Variants in ACYP2 observed in about 807,000 individuals in gnomAD.
The protein encoded by ACYP2 is acylphosphatase-2.
Under a neutral mutation model 11.2 loss-of-function variants are expected in ACYP2, and 12 were observed. The observed-to-expected ratio is 1.08, with a 90% confidence interval of 0.69 to 1.74. The LOEUF (loss-of-function observed/expected upper bound fraction) is 1.74. Among genes scored for constraint, ACYP2 ranks in the 40% most tolerant of loss-of-function variants. The probability of loss-of-function intolerance (pLI) is 0.00; values close to 1 mark genes in which losing one functional copy is unlikely to be tolerated. For synonymous variants in ACYP2, 43 were observed against 32.2 expected, an observed-to-expected ratio of 1.33 and a Z score of -1.13; for missense variants, 134 against 101.9, an observed-to-expected ratio of 1.31 and a Z score of -1.35.
chr2:54,129,219 C>T (rs186471679), intron 4 of ACYP2, among the ~76,000 whole-genome samples: 202 of 152,202 alleles, frequency 1.3e-3, no homozygotes, highest in Non-Finnish European at 2.3e-3. Flanking sequence ...TTTTATCATT[C>T]AGAATTTTAA....
At chr2:54,072,530 C>T in intron 4 of ACYP2, among the ~76,000 whole-genome samples, 3 of 128,426 alleles carry the variant, frequency 2.3e-5, no homozygotes, top group African/African-American at 5.8e-5. Context: ...TTCTTTCTTT[C>T]TTTCCTTCCT....
chr2:53,980,816 A>G (rs1297698727), intron 2 of ACYP2, among the ~76,000 whole-genome samples: 2 of 151,772 alleles, frequency 1.3e-5, no homozygotes, highest in Non-Finnish European at 2.9e-5. Flanking sequence ...CAATGGTGCA[A>G]TCACAGCTCA....
chr2:54,286,573 T>C (rs1689086318), intron 6 of ACYP2, among the ~76,000 whole-genome samples: 1 of 152,064 alleles, frequency 6.6e-6, no homozygotes, highest in African/African-American at 2.4e-5. Flanking sequence ...ACCAGGCAAC[T>C]GAAAATATAA....
intron 6 of ACYP2, among the ~76,000 whole-genome samples, chr2:54,270,767 T>C (rs1251339654): frequency 6.6e-6 from 1 of 152,254 alleles, no homozygotes; most frequent in Non-Finnish European, 1.5e-5. Flanking sequence ...CTTTAGGTTT[T>C]AGGATTTCCT....
intron 6 of ACYP2, among the ~76,000 whole-genome samples, chr2:54,197,922 AT>A (rs1296589935): frequency 7.4e-6 from 1 of 135,970 alleles, no homozygotes; most frequent in Non-Finnish European, 1.6e-5. Flanking sequence ...TTATTATTTT[AT>A]TTTATTTATG....
At chr2:54,101,396 C>T (rs181592590) in intron 4 of ACYP2, among the ~76,000 whole-genome samples, 9 of 152,136 alleles carry the variant, frequency 5.9e-5, no homozygotes, top group African/African-American at 1.4e-4. Context: ...AGGGGCCGGG[C>T]GCGGTGGCTC....
chr2:53,998,876 G>A lies in ACYP2; in HGVS notation c.62+25066G>A, dbSNP rs550056250. Among the ~76,000 whole-genome samples, 4 of 152,248 alleles carry A rather than the reference G, an allele frequency of 2.6e-5. No homozygotes were observed. The East Asian group carries it at 5.8e-4, about 22-fold the overall frequency. ...TAGAGACTGCTGCCCTCCATGCTGA[G>A]ATTCACGAATCCAGGCTGTTTCATT... On this transcript the variant is annotated intron_variant, in intron 2 of 6. Transcript: ENST00000607452.
rs538934890 is a variant in ACYP2 at position 54,126,397 on chromosome 2, A to C, written c.278-9056A>C. Among the ~76,000 whole-genome samples, 6 of 152,330 alleles carry C rather than the reference A, an allele frequency of 3.9e-5. No individual in the cohort carries two copies. In the East Asian group the frequency reaches 1.2e-3, roughly 29 times the overall value. On this transcript the variant is annotated intron_variant, in intron 4 of 6. Coordinates refer to ENST00000607452, the MANE Select transcript of ACYP2 (RefSeq NM_001320586.2). ...GATGGACAACCTAAGTCTTTTGATG[A>C]GATTGATCAAAAATTGTGACGGATC... is the stretch of plus-strand genomic sequence containing the variant.
At chr2:54,150,777 T>G (rs1463291315) in intron 6 of ACYP2, among the ~76,000 whole-genome samples, 1 of 147,326 alleles carries the variant, frequency 6.8e-6, no homozygotes, top group African/African-American at 2.5e-5. Context: ...AGTCTTGCTC[T>G]GTCGCCCAGG....
At chr2:54,017,659 C>T (rs1420018320) in intron 2 of ACYP2, among the ~76,000 whole-genome samples, 1 of 152,074 alleles carries the variant, frequency 6.6e-6, no homozygotes, top group African/African-American at 2.4e-5. Context: ...TATAGATAGA[C>T]GTAGTTCAGG....
At chr2:54,180,233 A>G (rs1437546744) in intron 6 of ACYP2, among the ~76,000 whole-genome samples, 2 of 152,028 alleles carry the variant, frequency 1.3e-5, no homozygotes, top group Non-Finnish European at 2.9e-5. Context: ...AACCCTGTTT[A>G]TTTATTTCTA....
chr2:54,018,528 G>T (rs1673819702), intron 2 of ACYP2, among the ~76,000 whole-genome samples: 1 of 151,938 alleles, frequency 6.6e-6, no homozygotes, highest in African/African-American at 2.4e-5. Flanking sequence ...AAAGGGAGTG[G>T]GGAGCTAGGT....
At chr2:54,128,126 G>T (rs1033770618) in intron 4 of ACYP2, among the ~76,000 whole-genome samples, 2 of 152,204 alleles carry the variant, frequency 1.3e-5, no homozygotes, top group Non-Finnish European at 2.9e-5. Flanking sequence ...CCAACAGGGG[G>T]ATGAATCATA....
intron 6 of ACYP2, among the ~76,000 whole-genome samples, chr2:54,294,237 T>G (rs570182497): frequency 2.4e-4 from 36 of 152,290 alleles, no homozygotes; most frequent in Middle Eastern, 3.4e-3. Flanking sequence ...TAAATGGAAT[T>G]TTTTATATCA....
intron 6 of ACYP2, among the ~76,000 whole-genome samples, chr2:54,223,469 A>T (rs879687360): frequency 1.3e-5 from 2 of 152,180 alleles, no homozygotes; most frequent in Non-Finnish European, 2.9e-5. Flanking sequence ...TTTTCCTATT[A>T]GCTATTCAGA....
At chr2:54,203,815 A>G (rs1684955820) in intron 6 of ACYP2, among the ~76,000 whole-genome samples, 2 of 147,378 alleles carry the variant, frequency 1.4e-5, no homozygotes. Flanking sequence ...TTTTTTTTTC[A>G]AAAAGGATAA....
chr2:54,276,816 A>C (rs1219875361), intron 6 of ACYP2, among the ~76,000 whole-genome samples: 1 of 152,162 alleles, frequency 6.6e-6, no homozygotes, highest in East Asian at 1.9e-4. Flanking sequence ...GGTAACCACT[A>C]TTATCCCTTT....
At chr2:54,008,642 C>T (rs1259745849) in intron 2 of ACYP2, among the ~76,000 whole-genome samples, 2 of 152,164 alleles carry the variant, frequency 1.3e-5, no homozygotes, top group African/African-American at 4.8e-5. Flanking sequence ...CTATAGGGCA[C>T]ATTCCACCAC....
At chr2:54,275,403 T>C (rs577555461) in intron 6 of ACYP2, among the ~76,000 whole-genome samples, 1 of 152,328 alleles carries the variant, frequency 6.6e-6, no homozygotes, top group East Asian at 1.9e-4. Flanking sequence ...TGAAATTGGC[T>C]ATTTCATAGA....
Sources: allele counts gnomAD v4.1 joint callset (sites outside exome capture counted in the v4.1 genomes callset), GRCh38; gene constraint gnomAD v4.1.1; transcripts MANE v1.5; gene names NCBI Gene and HGNC (gene_info 2026-07-23, HGNC 2026-07-21).